The following HSD17B11 variants were observed in gnomAD, a reference collection of about 807,000 sequenced individuals.
HSD17B11 encodes hydroxysteroid 17-beta dehydrogenase 11, also known as estradiol 17-beta-dehydrogenase 11.
A neutral mutation model predicts 27.8 loss-of-function variants in HSD17B11; 22 were observed. The observed-to-expected ratio is 0.79, with a 90% CI of 0.56 to 1.13. The LOEUF is 1.13. Ranked by LOEUF, HSD17B11 falls within the 50% of genes most tolerant of loss-of-function variation. The pLI is 0.00. For missense variants in HSD17B11, 314 were observed against 351.1 expected, an observed-to-expected ratio of 0.89 and a Z score of 0.84; for synonymous variants, 117 against 132.8, an observed-to-expected ratio of 0.88 and a Z score of 0.82.
At chr4:87,384,637 C>G (rs1299027269) in intron 1 of HSD17B11, among the ~76,000 whole-genome samples, 6 of 152,052 alleles carry the variant, frequency 3.9e-5, no homozygotes, top group Non-Finnish European at 7.4e-5. Context: ...GAGGTAAGGA[C>G]TGAGATACGC....
chr4:87,377,151 T>A (rs944413903), intron 2 of HSD17B11, among the ~76,000 whole-genome samples: 37 of 148,254 alleles, frequency 2.5e-4, no homozygotes, highest in South Asian at 1.5e-3. Context: ...AAAATATTTT[T>A]AAAAAAAGAC....
rs748955521 is a variant in HSD17B11, at chr4:87,357,948, A to ATTTTTTTTTTTTTTT, written c.558-533_558-532insAAAAAAAAAAAAAAA. Among the ~76,000 whole-genome samples, 73 of 97,370 alleles carry ATTTTTTTTTTTTTTT rather than the reference A, an allele frequency of 7.5e-4. 4 individuals carry two copies. Among genetic ancestry groups the ATTTTTTTTTTTTTTT allele is most frequent in the Middle Eastern group, 5.4e-3 (1 of 184 alleles). 63.9% of individuals were successfully genotyped at this position (97,370 alleles called of 152,430 possible). ...TTTGTAACTGAACATTCATTAGAGA[A>ATTTTTTTTTTTTTTT]ATTTTTTTTTTTTTTTTTTTTTTTT... On this transcript the variant is annotated intron_variant, in intron 4 of 6. Transcript: ENST00000358290.
chr4:87,366,814 A>G (rs1365567613), intron 4 of HSD17B11, among the ~76,000 whole-genome samples: 1 of 152,222 alleles, frequency 6.6e-6, no homozygotes, highest in Non-Finnish European at 1.5e-5. Flanking sequence ...TAGAAATTGT[A>G]ACATTAAAAT....
chr4:87,375,759 C>T lies in HSD17B11; in HGVS notation c.319-929G>A, dbSNP rs7677270. On this transcript the variant is annotated intron_variant, in intron 2 of 6. Coordinates refer to ENST00000358290, the MANE Select transcript of HSD17B11 (RefSeq NM_016245.5). The stretch of plus-strand genomic sequence containing the variant: ...TCCGTCTCAAAAAATAAAAGTAAAA[C>T]TAATGTGGCAAAATCAGGGACTACT... Among the ~76,000 whole-genome samples the T allele has an allele frequency of 3.3e-3, 502 of 152,300 alleles. 3 individuals are homozygous for T. The highest frequency in any genetic ancestry group is 0.011 in the African/African-American group (465 of 41,556).
At position 87,391,044 on chromosome 4, in the gene HSD17B11, C is replaced by T. The variant is rs144155531; in HGVS notation, c.27G>A (p.Leu9=). 6 of 1,613,230 alleles carry T rather than the reference C, an allele frequency of 3.7e-6. No individual in the cohort carries two copies. In the African/African-American group the frequency reaches 8.0e-5, roughly 22 times the overall value. MKFLLDIL[L]LLPLLIVCSL... ...AGCAGACGATCAGTAACGGGAGAAGCAGGAGGATGTCCAGAAGAAATTTCA... is the reference window on the plus strand; with the variant it reads ...AGCAGACGATCAGTAACGGGAGAAGTAGGAGGATGTCCAGAAGAAATTTCA... The change falls in exon 1 of 7, where the codon CTG becomes CTA. Residue 9 remains leucine, a synonymous_variant. Coordinates refer to ENST00000358290, the MANE Select transcript of HSD17B11 (RefSeq NM_016245.5).
chr4:87,383,132 T>C lies in HSD17B11; in HGVS notation c.211-770A>G, dbSNP rs987477796. On this transcript the variant is annotated intron_variant, in intron 1 of 6. Coordinates refer to ENST00000358290, the MANE Select transcript of HSD17B11 (RefSeq NM_016245.5). ...GTGAAAGGACACATCAGGCAGGGTG[T>C]GGGCAATGACAGATAGGAGATTGGT... 5.9e-5 allele frequency among the ~76,000 whole-genome samples: 9 copies of C among 152,250 alleles called. No individual in the cohort carries two copies. In the South Asian group the frequency reaches 1.0e-3, roughly 18 times the overall value.
chr4:87,367,892 CTT>C (rs1394840555), intron 4 of HSD17B11, among the ~76,000 whole-genome samples: 2 of 152,228 alleles, frequency 1.3e-5, no homozygotes, highest in African/African-American at 4.8e-5. Context: ...CTTGGAATAA[CTT>C]TACTTACTTT....
At chr4:87,381,586 C>T (rs1578047192) in intron 2 of HSD17B11, among the ~76,000 whole-genome samples, 1 of 151,458 alleles carries the variant, frequency 6.6e-6, no homozygotes, top group East Asian at 1.9e-4. Context: ...GGTGAGACCC[C>T]GTTTTCTACC....
At chr4:87,381,685 G>T (rs1300370662) in intron 2 of HSD17B11, among the ~76,000 whole-genome samples, 2 of 151,212 alleles carry the variant, frequency 1.3e-5, no homozygotes, top group East Asian at 3.9e-4. Context: ...CTTGATTCTG[G>T]GAGGTGGAGG....
At chr4:87,346,428 C>T (rs750359051) in intron 5 of HSD17B11, among the ~76,000 whole-genome samples, 8 of 152,140 alleles carry the variant, frequency 5.3e-5, no homozygotes, top group East Asian at 3.9e-4. Flanking sequence ...GCAGGCGGAT[C>T]GCTTGAGGTC....
intron 5 of HSD17B11, among the ~76,000 whole-genome samples, chr4:87,341,423 C>T (rs1278004394): frequency 6.6e-6 from 1 of 152,164 alleles, no homozygotes; most frequent in Non-Finnish European, 1.5e-5. Context: ...CCGCCAGCCT[C>T]GGCCTCCCAA....
chr4:87,367,566 G>GTA (rs1735633168), intron 4 of HSD17B11, among the ~76,000 whole-genome samples: 1 of 152,116 alleles, frequency 6.6e-6, no homozygotes, highest in Non-Finnish European at 1.5e-5. Flanking sequence ...ATCAGACCAA[G>GTA]TATAATAAAG....
chr4:87,373,736 C>T (rs1046537008), intron 3 of HSD17B11, among the ~76,000 whole-genome samples: 6 of 151,876 alleles, frequency 4.0e-5, no homozygotes, highest in African/African-American at 1.5e-4. Context: ...GAGACAGTAA[C>T]CTATATTTGA....
chr4:87,337,184 T>C lies in HSD17B11; in HGVS notation c.*92A>G, dbSNP rs1735070797. 2 of 809,776 alleles carry C rather than the reference T, an allele frequency of 2.5e-6. No individual in the cohort carries two copies. The highest frequency in any genetic ancestry group is 4.3e-5 in the Admixed American group (2 of 46,662). The allele number at this position is 809,776 out of a possible 1,614,324, so 50.2% of individuals were successfully genotyped here. A position where few individuals can be genotyped will look rare whatever the true frequency, so the allele number is the denominator to read the frequency against. On this transcript the variant is annotated 3_prime_UTR_variant, in exon 7 of 7. Transcript: ENST00000358290. Reference sequence around the variant, plus strand: ...ATGATATTGAAGAAATGGGGATAATTAGAAAAAACAGAAGTTCAAACATTA... The same window carrying C: ...ATGATATTGAAGAAATGGGGATAATCAGAAAAAACAGAAGTTCAAACATTA...
chr4:87,368,984 C>T (rs990345023), intron 4 of HSD17B11, among the ~76,000 whole-genome samples: 1 of 152,190 alleles, frequency 6.6e-6, no homozygotes, highest in African/African-American at 2.4e-5. Context: ...TATTCCTTTA[C>T]TTTCTTAATA....
intron 2 of HSD17B11, among the ~76,000 whole-genome samples, chr4:87,378,880 AAATAT>A (rs1720018701): frequency 1.7e-4 from 5 of 29,384 alleles, no homozygotes; most frequent in African/African-American, 7.1e-4. Context: ...ATATATATAT[AAATAT>A]ATATATATAA....
intron 1 of HSD17B11, among the ~76,000 whole-genome samples, chr4:87,390,576 G>A (rs1720432326): frequency 2.0e-5 from 3 of 152,096 alleles, no homozygotes; most frequent in South Asian, 2.1e-4. Flanking sequence ...AAAATAGAGG[G>A]ATCAATGAAA....
chr4:87,346,485 AC>A (rs1246711535), intron 5 of HSD17B11, among the ~76,000 whole-genome samples: 3 of 152,100 alleles, frequency 2.0e-5, no homozygotes, highest in African/African-American at 7.2e-5. Context: ...CCCCATCTCT[AC>A]TAAAAATAGA....
chr4:87,360,422 T>A (rs1420917544), intron 4 of HSD17B11, among the ~76,000 whole-genome samples: 2 of 152,230 alleles, frequency 1.3e-5, no homozygotes, highest in African/African-American at 4.8e-5. Flanking sequence ...TCAAGGATAG[T>A]CCCTGGAGTG....
Sources: allele counts gnomAD v4.1 joint callset (sites outside exome capture counted in the v4.1 genomes callset), GRCh38; gene constraint gnomAD v4.1.1; transcripts MANE v1.5; gene names NCBI Gene and HGNC (gene_info 2026-07-23, HGNC 2026-07-21).